The following ZNF804A variants were observed in gnomAD, a reference collection of about 807,000 sequenced individuals.
The protein encoded by ZNF804A is zinc finger protein 804A.
Under a neutral mutation model 16.5 loss-of-function variants are expected in ZNF804A, and 2 were observed. The observed-to-expected ratio is 0.12, with a 90% CI of 0.05 to 0.38. The LOEUF is 0.38. Among genes scored for constraint, ZNF804A ranks in the 10% least tolerant of loss-of-function variants. ZNF804A has a pLI of 0.99. For missense variants in ZNF804A, 1,473 were observed against 1,390.7 expected (o/e 1.06, Z -0.94); for synonymous variants, 534 against 489.6 (o/e 1.09, Z -1.20).
At chr2:184,659,729 G>A (rs1041121230) in intron 1 of ZNF804A, among the ~76,000 whole-genome samples, 1 of 152,066 alleles carries the variant, frequency 6.6e-6, no homozygotes, top group Non-Finnish European at 1.5e-5. Flanking sequence ...AATATTTCCT[G>A]TATATACATA....
chr2:184,671,764 GA>G (rs772936234), intron 1 of ZNF804A, among the ~76,000 whole-genome samples: 2 of 152,166 alleles, frequency 1.3e-5, no homozygotes, highest in African/African-American at 2.4e-5. Context: ...GCTTAATTGT[GA>G]ACCAGTAGTC....
rs565848163 is a variant in ZNF804A, at chr2:184,736,988, T to C, written c.112-129381T>C. 3.9e-5 allele frequency among the ~76,000 whole-genome samples: 6 copies of C among 152,070 alleles called. 1 individual carries two copies. In the East Asian group the frequency reaches 1.2e-3, roughly 29 times the overall value. ...ATATTAAACATTGGTTCATTGAGAA[T>C]AAGTTTTGTTGTAGATGTTGTTACT... On this transcript the variant is annotated intron_variant, in intron 1 of 3. Transcript: ENST00000302277.
At chr2:184,733,446 GT>G (rs1693553004) in intron 1 of ZNF804A, among the ~76,000 whole-genome samples, 1 of 151,914 alleles carries the variant, frequency 6.6e-6, no homozygotes, top group Admixed American at 6.6e-5. Flanking sequence ...TTGGAGGGGA[GT>G]TTTTTACATT....
intron 1 of ZNF804A, among the ~76,000 whole-genome samples, chr2:184,755,216 A>G (rs900122846): frequency 1.3e-5 from 2 of 151,952 alleles, no homozygotes; most frequent in African/African-American, 4.8e-5. Flanking sequence ...AATATTAACT[A>G]TATGATTCGT....
chr2:184,641,324 C>T (rs1393697991), intron 1 of ZNF804A, among the ~76,000 whole-genome samples: 1 of 152,008 alleles, frequency 6.6e-6, no homozygotes, highest in African/African-American at 2.4e-5. Flanking sequence ...GCATGGATCC[C>T]AAAACATTAT....
rs1692926067 is a variant in ZNF804A at position 184,701,967 on chromosome 2, G to A, written c.111+102897G>A. On this transcript the variant is annotated intron_variant, in intron 1 of 3. Coordinates refer to ENST00000302277, the MANE Select transcript of ZNF804A (RefSeq NM_194250.2). ...CTTTGGTGTTAAAAAGAGTTCTTTA[G>A]AGTTTAGATTCTTGTAAATCTGAAG... is the stretch of plus-strand genomic sequence containing the variant. Among the ~76,000 whole-genome samples the A allele has an allele frequency of 2.6e-5, 4 of 151,908 alleles. No homozygotes were observed. In the South Asian group the frequency reaches 8.3e-4, roughly 31 times the overall value.
At chr2:184,757,133 T>G (rs57126669) in intron 1 of ZNF804A, among the ~76,000 whole-genome samples, 4,571 of 152,110 alleles carry the variant, frequency 0.03, 230 homozygotes, top group African/African-American at 0.1. Flanking sequence ...CTGTAGTATA[T>G]CACCATCTGA....
chr2:184,866,599 T>C, intron 2 of ZNF804A, 87 bp downstream of exon 2: 1 of 1,104,322 alleles, frequency 9.1e-7, no homozygotes. Flanking sequence ...TGATATGATA[T>C]TCTTATTTAA....
chr2:184,763,076 C>T (rs1011357357), intron 1 of ZNF804A, among the ~76,000 whole-genome samples: 22 of 152,060 alleles, frequency 1.4e-4, no homozygotes, highest in Non-Finnish European at 1.9e-4. Context: ...ATTTCTTCTA[C>T]CTAAATATTT....
chr2:184,735,285 C>T (rs1276342586), intron 1 of ZNF804A, among the ~76,000 whole-genome samples: 1 of 151,994 alleles, frequency 6.6e-6, no homozygotes, highest in African/African-American at 2.4e-5. Flanking sequence ...AATGAAAGGC[C>T]TGATTAATGA....
chr2:184,769,107 G>A (rs150037111), intron 1 of ZNF804A, among the ~76,000 whole-genome samples: 3 of 151,848 alleles, frequency 2.0e-5, no homozygotes, highest in Admixed American at 6.6e-5. Context: ...TATTGTCTTC[G>A]ATCACATTGC....
At chr2:184,861,189 T>C (rs989824372) in intron 1 of ZNF804A, among the ~76,000 whole-genome samples, 1 of 152,194 alleles carries the variant, frequency 6.6e-6, no homozygotes, top group African/African-American at 2.4e-5. Context: ...CAAAGTCCTA[T>C]GTTCACATTC....
At chr2:184,852,279 G>T (rs904522826) in intron 1 of ZNF804A, among the ~76,000 whole-genome samples, 3 of 148,012 alleles carry the variant, frequency 2.0e-5, no homozygotes, top group South Asian at 4.3e-4. Flanking sequence ...CAGAATATCC[G>T]ATTGTACTGC....
chr2:184,814,899 G>T (rs1574224927), intron 1 of ZNF804A, among the ~76,000 whole-genome samples: 3 of 152,038 alleles, frequency 2.0e-5, no homozygotes, highest in Non-Finnish European at 1.5e-5. Flanking sequence ...CCTATGAAGG[G>T]CCTGACATTT....
chr2:184,791,581 A>T (rs554927755), intron 1 of ZNF804A, among the ~76,000 whole-genome samples: 15 of 152,210 alleles, frequency 9.9e-5, no homozygotes, highest in South Asian at 6.2e-4. Flanking sequence ...TTGAAAGTAC[A>T]GTCTCCATAT....
At position 184,707,721 on chromosome 2, in the gene ZNF804A, T is replaced by C. The variant is rs183589311; in HGVS notation, c.111+108651T>C. 7.2e-5 allele frequency among the ~76,000 whole-genome samples: 11 copies of C among 152,298 alleles called. No individual in the cohort carries two copies. The East Asian group carries it at 1.7e-3, about 24-fold the overall frequency. Reference sequence around the variant, plus strand: ...GCATCTAGGTTGATTTTCATATCTTTGTTATTGTGAACAGTGTTGCATTTT... The same window carrying C: ...GCATCTAGGTTGATTTTCATATCTTCGTTATTGTGAACAGTGTTGCATTTT... On this transcript the variant is annotated intron_variant, in intron 1 of 3. Transcript: ENST00000302277.
At position 184,696,141 on chromosome 2, in the gene ZNF804A, C is replaced by A. The variant is rs144996028; in HGVS notation, c.111+97071C>A. On this transcript the variant is annotated intron_variant, in intron 1 of 3. Transcript: ENST00000302277. ...ATGATACATACAGGAGCCTCCCAGGCCAGGTGACACCTTCTTAGTTAGAGG... is the reference window on the plus strand; with the variant it reads ...ATGATACATACAGGAGCCTCCCAGGACAGGTGACACCTTCTTAGTTAGAGG... 3.6e-4 allele frequency among the ~76,000 whole-genome samples: 55 copies of A among 152,160 alleles called. No homozygotes were observed. In the East Asian group the frequency reaches 0.01, roughly 28 times the overall value.
In ZNF804A at chr2:184,891,921, C is replaced by T. The variant is rs192697129; in HGVS notation, c.255+25409C>T. 2.1e-4 allele frequency among the ~76,000 whole-genome samples: 32 copies of T among 152,120 alleles called. No homozygotes were observed. The East Asian group carries it at 3.9e-3, about 18-fold the overall frequency. Reference sequence around the variant, plus strand: ...GTGTTTATCCTAAAAGAAAAAATTACGTGATATCAATATTTCTAGAAAAAC... The same window carrying T: ...GTGTTTATCCTAAAAGAAAAAATTATGTGATATCAATATTTCTAGAAAAAC... On this transcript the variant is annotated intron_variant, in intron 2 of 3. Coordinates refer to ENST00000302277, the MANE Select transcript of ZNF804A (RefSeq NM_194250.2).
At chr2:184,875,519 T>G (rs142024841) in intron 2 of ZNF804A, among the ~76,000 whole-genome samples, 280 of 152,292 alleles carry the variant, frequency 1.8e-3, no homozygotes, top group African/African-American at 6.1e-3. Flanking sequence ...CAGAAGCAGA[T>G]GCTGCCCTCA....
Sources: allele counts gnomAD v4.1 joint callset (sites outside exome capture counted in the v4.1 genomes callset), GRCh38; gene constraint gnomAD v4.1.1; transcripts MANE v1.5; gene names NCBI Gene and HGNC (gene_info 2026-07-23, HGNC 2026-07-21).